MC2R: variants seen among roughly 807,000 people sequenced by gnomAD.
MC2R encodes melanocortin 2 receptor, also known as adrenocorticotropic hormone receptor.
A neutral mutation model predicts 9.8 loss-of-function variants in MC2R; 9 were observed. That is an observed-to-expected ratio of 0.92 (90% confidence interval 0.55 to 1.60). The LOEUF is 1.60. Among genes scored for constraint, MC2R ranks in the 40% most tolerant of loss-of-function variants. The pLI is 0.00. For synonymous variants in MC2R, 185 were observed against 154.7 expected (o/e 1.20, Z -1.45); for missense variants, 370 against 389.0 (o/e 0.95, Z 0.41).
At chr18:13,907,789 T>A (rs765872308) in intron 1 of MC2R, among the ~76,000 whole-genome samples, 1 of 152,134 alleles carries the variant, frequency 6.6e-6, no homozygotes, top group Admixed American at 6.5e-5. Flanking sequence ...TTTCAAAGCA[T>A]CACTAATCAT....
intron 1 of MC2R, among the ~76,000 whole-genome samples, chr18:13,905,924 C>A (rs529934300): frequency 6.6e-6 from 1 of 152,068 alleles, no homozygotes; most frequent in Admixed American, 6.6e-5. Flanking sequence ...GGCATGATGA[C>A]GCACACCTGT....
At position 13,889,573 on chromosome 18, in the gene MC2R, G is replaced by A. The variant is rs145296657; in HGVS notation, c.-128-3927C>T. Reference sequence around the variant, plus strand: ...CAGCATCACAGGGCACAAGAACATGGCCCCGGATAACTCAAATGTGGCCCC... The same window carrying A: ...CAGCATCACAGGGCACAAGAACATGACCCCGGATAACTCAAATGTGGCCCC... On this transcript the variant is annotated intron_variant, in intron 1 of 1. Transcript: ENST00000327606. Among the ~76,000 whole-genome samples the A allele has an allele frequency of 4.0e-3, 614 of 152,242 alleles. 1 individual carries two copies. Among genetic ancestry groups the A allele is most frequent in the Non-Finnish European group, 6.8e-3 (465 of 68,014 alleles).
At chr18:13,891,066 T>C (rs75467002) in intron 1 of MC2R, among the ~76,000 whole-genome samples, 13,699 of 152,222 alleles carry the variant, frequency 0.09, 997 homozygotes, top group African/African-American at 0.19. Flanking sequence ...CCATGAATAT[T>C]GGTGGGGGAG....
intron 1 of MC2R, among the ~76,000 whole-genome samples, chr18:13,891,709 T>TG (rs2045316731): frequency 6.6e-6 from 1 of 152,174 alleles, no homozygotes; most frequent in Non-Finnish European, 1.5e-5. Context: ...ACATTCCAGT[T>TG]GGGGCAATCA....
chr18:13,911,600 A>G (rs1431120397), intron 1 of MC2R, among the ~76,000 whole-genome samples: 1 of 152,128 alleles, frequency 6.6e-6, no homozygotes, highest in Non-Finnish European at 1.5e-5. Context: ...GTCCAGCCCA[A>G]TCAGACCCCA....
intron 1 of MC2R, among the ~76,000 whole-genome samples, chr18:13,911,665 A>G (rs2045445475): frequency 6.6e-6 from 1 of 152,148 alleles, no homozygotes; most frequent in Non-Finnish European, 1.5e-5. Flanking sequence ...CTCTGGAGTC[A>G]CTGGCTTTGC....
At chr18:13,892,231 C>G (rs1229489227) in intron 1 of MC2R, among the ~76,000 whole-genome samples, 3 of 152,098 alleles carry the variant, frequency 2.0e-5, no homozygotes, top group Non-Finnish European at 4.4e-5. Flanking sequence ...GGTGGCAAGT[C>G]AGAATGAAGG....
At chr18:13,889,517 G>T (rs892635334) in intron 1 of MC2R, among the ~76,000 whole-genome samples, 16 of 152,034 alleles carry the variant, frequency 1.1e-4, no homozygotes, top group African/African-American at 3.9e-4. Flanking sequence ...TTGTTTTTTG[G>T]CTGGGAGGGG....
intron 1 of MC2R, among the ~76,000 whole-genome samples, chr18:13,889,856 CTCTGACTCACCCCTGA>C (rs1284770957): frequency 2.0e-5 from 3 of 152,082 alleles, no homozygotes; most frequent in African/African-American, 4.8e-5. Context: ...GTCCTATTCT[CTCTGACTCACCCCTGA>C]TCTGACTCAC....
At chr18:13,888,594 C>G (rs182537163) in intron 1 of MC2R, among the ~76,000 whole-genome samples, 1 of 152,340 alleles carries the variant, frequency 6.6e-6, no homozygotes, top group East Asian at 1.9e-4. Context: ...GTAATAACAA[C>G]AGATGCAAGA....
At chr18:13,899,791 C>T (rs1297946673) in intron 1 of MC2R, among the ~76,000 whole-genome samples, 2 of 152,046 alleles carry the variant, frequency 1.3e-5, no homozygotes, top group Admixed American at 6.5e-5. Context: ...GAAATAACAA[C>T]CTTCCCAGAC....
intron 1 of MC2R, among the ~76,000 whole-genome samples, chr18:13,888,556 T>C (rs1407561790): frequency 6.6e-6 from 1 of 152,200 alleles, no homozygotes; most frequent in Non-Finnish European, 1.5e-5. Context: ...GTGACCACCA[T>C]GTCACACTCC....
rs1366210717 is a variant in MC2R at position 13,882,891 on chromosome 18, A to G, written c.*1734T>C. ...GGTTAGTATTAGAGTAACATAGTTC[A>G]TTTGGCAGGGGAAGGATCAAACAGG... is the stretch of plus-strand genomic sequence containing the variant. On this transcript the variant is annotated 3_prime_UTR_variant, in exon 2 of 2. Transcript: ENST00000327606. The G allele has an allele frequency of 6.6e-6, 1 of 152,250 alleles. No individual in the cohort carries two copies. The highest frequency in any genetic ancestry group is 1.9e-4 in the East Asian group (1 of 5,202). 9.4% of individuals were successfully genotyped at this position (152,250 alleles called of 1,614,324 possible). A position where few individuals can be genotyped will look rare whatever the true frequency, so the allele number is the denominator to read the frequency against.
chr18:13,894,582 T>A (rs528227951), intron 1 of MC2R, among the ~76,000 whole-genome samples: 14 of 152,222 alleles, frequency 9.2e-5, no homozygotes, highest in Non-Finnish European at 1.8e-4. Context: ...TAAAGGAAAT[T>A]ATTCTTCAAT....
intron 1 of MC2R, among the ~76,000 whole-genome samples, chr18:13,887,822 A>G (rs2045286388): frequency 6.6e-6 from 1 of 152,082 alleles, no homozygotes; most frequent in Non-Finnish European, 1.5e-5. Flanking sequence ...ACCAGAACAC[A>G]TCATCTACTC....
At chr18:13,910,812 C>T (rs1004486436) in intron 1 of MC2R, among the ~76,000 whole-genome samples, 11 of 152,226 alleles carry the variant, frequency 7.2e-5, no homozygotes, top group African/African-American at 2.7e-4. Flanking sequence ...CCATCTACTT[C>T]TCATCACAAC....
At chr18:13,915,580 G>C (rs1326216671), upstream of MC2R, 1 of 152,908 alleles carries the variant, frequency 6.5e-6, no homozygotes, top group Non-Finnish European at 1.5e-5. Flanking sequence ...GGGCCGGGAA[G>C]GGCCGGAACA....
At chr18:13,911,390 C>T (rs2149144277) in intron 1 of MC2R, among the ~76,000 whole-genome samples, 1 of 152,328 alleles carries the variant, frequency 6.6e-6, no homozygotes, top group East Asian at 1.9e-4. Context: ...TCAAAATTTC[C>T]TCTTTTGAAA....
At chr18:13,898,132 G>T (rs1422789769) in intron 1 of MC2R, among the ~76,000 whole-genome samples, 5 of 152,152 alleles carry the variant, frequency 3.3e-5, no homozygotes, top group African/African-American at 1.2e-4. Context: ...CCCTGGGCCA[G>T]AGGTGAGCCC....
Sources: gnomAD v4.1 joint callset for allele counts (sites outside exome capture counted in the v4.1 genomes callset) on GRCh38, gnomAD v4.1.1 for gene constraint, MANE v1.5 for transcripts, NCBI Gene and HGNC (gene_info 2026-07-23, HGNC 2026-07-21) for gene names.